Variants in GPR158 observed in about 807,000 individuals in gnomAD.
GPR158 encodes the protein metabotropic glycine receptor.
Under a neutral mutation model 78.2 loss-of-function variants are expected in GPR158, and 30 were observed. That is an observed-to-expected ratio of 0.38 (90% CI 0.29 to 0.52). GPR158 has a LOEUF of 0.52. Ranked by LOEUF, GPR158 falls within the 20% of genes least tolerant of loss-of-function variation. GPR158 has a pLI of 0.83. For missense variants in GPR158, 1,463 were observed against 1,523.5 expected (o/e 0.96, Z 0.66); for synonymous variants, 581 against 591.1 (o/e 0.98, Z 0.25).
Position 25,597,953 on chromosome 10 carries a change from G to T in GPR158, c.2327G>T (p.Gly776Val). 1 of 1,613,974 alleles carries T rather than the reference G, an allele frequency of 6.2e-7. No individual in the cohort carries two copies. Among genetic ancestry groups the T allele is most frequent in the Non-Finnish European group, 8.5e-7 (1 of 1,179,944 alleles). ...SRQCSKEDKE[G>V]ADHGTAKGTA... ...CAGTGCTCTAAAGAGGACAAGGAGG[G>T]CGCCGACCATGGCACAGCCAAAGGC... is the stretch of plus-strand genomic sequence containing the variant. Residue 776 changes from glycine (G) to valine (V), a missense_variant, in exon 11 of 11, where the codon GGC (glycine) becomes GTC (valine). By Grantham distance (109) the Gly-to-Val change is moderately radical (BLOSUM62 -3). Transcript: ENST00000376351.
At chr10:25,516,894 C>T (rs1198332437) in intron 5 of GPR158, among the ~76,000 whole-genome samples, 2 of 139,828 alleles carry the variant, frequency 1.4e-5, no homozygotes, top group African/African-American at 5.8e-5. Context: ...GTAGTTTTTT[C>T]CAATTCTGTG....
intron 5 of GPR158, among the ~76,000 whole-genome samples, chr10:25,492,260 C>A (rs1239400531): frequency 6.6e-6 from 1 of 152,196 alleles, no homozygotes; most frequent in Non-Finnish European, 1.5e-5. Flanking sequence ...CCAAACACCT[C>A]CCACCAGGCC....
intron 3 of GPR158, among the ~76,000 whole-genome samples, chr10:25,403,804 G>A (rs546991474): frequency 6.6e-6 from 1 of 152,102 alleles, no homozygotes; most frequent in Admixed American, 6.6e-5. Context: ...ATGAAGTGGT[G>A]AGTTGAATAT....
chr10:25,267,930 A>C (rs940256678), intron 2 of GPR158, among the ~76,000 whole-genome samples: 1 of 152,154 alleles, frequency 6.6e-6, no homozygotes, highest in Non-Finnish European at 1.5e-5. Flanking sequence ...TACAAAAATT[A>C]GTTTTCTTTC....
Position 25,243,585 on chromosome 10 carries a change from A to G in GPR158, c.1008+22428A>G, listed in dbSNP as rs554051247. 3.9e-5 allele frequency among the ~76,000 whole-genome samples: 6 copies of G among 152,310 alleles called. No homozygotes were observed. In the South Asian group the frequency reaches 1.2e-3, roughly 32 times the overall value. Reference sequence around the variant, plus strand: ...TAGATTAGATATCACCTTCCCTGGAAAGACATGTTTTTATCCCAAAGGAAC... The same window carrying G: ...TAGATTAGATATCACCTTCCCTGGAGAGACATGTTTTTATCCCAAAGGAAC... On this transcript the variant is annotated intron_variant, in intron 2 of 10. Coordinates refer to ENST00000376351, the MANE Select transcript of GPR158 (RefSeq NM_020752.3).
In GPR158 at chr10:25,570,269, T is replaced by G. The variant is rs139307000; in HGVS notation, c.1515-2380T>G. Among the ~76,000 whole-genome samples the G allele has an allele frequency of 1.7e-3, 262 of 152,330 alleles. 12 individuals are homozygous for G. In the South Asian group the frequency reaches 0.048, roughly 28 times the overall value. On this transcript the variant is annotated intron_variant, in intron 6 of 10. Transcript: ENST00000376351. Reference sequence around the variant, plus strand: ...TATCCAATATAACTGGACTTCATATTATATTTGGTCAATTTGTTGAAGTTT... The same window carrying G: ...TATCCAATATAACTGGACTTCATATGATATTTGGTCAATTTGTTGAAGTTT...
intron 4 of GPR158, among the ~76,000 whole-genome samples, chr10:25,453,746 T>C (rs554889894): frequency 1.3e-5 from 2 of 152,312 alleles, no homozygotes; most frequent in African/African-American, 4.8e-5. Context: ...CATAAACATA[T>C]AGATTTATTT....
intron 1 of GPR158, among the ~76,000 whole-genome samples, chr10:25,179,528 G>T (rs905251144): frequency 2.0e-5 from 3 of 151,912 alleles, no homozygotes; most frequent in African/African-American, 7.2e-5. Context: ...GTAATATGTA[G>T]AACTTCTTAT....
chr10:25,550,877 C>A (rs1043416456), intron 5 of GPR158, 99 bp from the exon 6 acceptor site: 6 of 726,642 alleles, frequency 8.3e-6, no homozygotes, highest in South Asian at 1.5e-5. Context: ...GAGTGTATAT[C>A]AAAATTCATA....
intron 1 of GPR158, among the ~76,000 whole-genome samples, chr10:25,181,014 A>G (rs377296763): frequency 6.6e-6 from 1 of 152,162 alleles, no homozygotes; most frequent in Non-Finnish European, 1.5e-5. Context: ...CTCACACAAG[A>G]CACCCACACA....
chr10:25,329,948 T>G (rs1855094883), intron 2 of GPR158, among the ~76,000 whole-genome samples: 1 of 152,076 alleles, frequency 6.6e-6, no homozygotes, highest in Admixed American at 6.5e-5. Flanking sequence ...TTAAAAACAC[T>G]AGAAGTTGTT....
At chr10:25,283,830 A>G (rs1158199421) in intron 2 of GPR158, among the ~76,000 whole-genome samples, 1 of 152,064 alleles carries the variant, frequency 6.6e-6, no homozygotes, top group African/African-American at 2.4e-5. Flanking sequence ...AGTTCAAAAT[A>G]TATTTAAATT....
At chr10:25,444,574 A>AGGAGTGTGTG (rs1247418046) in intron 4 of GPR158, among the ~76,000 whole-genome samples, 9 of 148,004 alleles carry the variant, frequency 6.1e-5, no homozygotes, top group Non-Finnish European at 1.0e-4. Context: ...ATTTGTGTGG[A>AGGAGTGTGTG]GGAGTGTGTG....
intron 5 of GPR158, among the ~76,000 whole-genome samples, chr10:25,534,020 A>C (rs11014595): frequency 0.45 from 68,248 of 151,836 alleles, 15,493 homozygotes; most frequent in East Asian, 0.56. Context: ...ATATAACATG[A>C]ATTCATTAGA....
intron 2 of GPR158, among the ~76,000 whole-genome samples, chr10:25,364,819 G>A (rs1026717709): frequency 6.0e-4 from 91 of 151,640 alleles, no homozygotes; most frequent in African/African-American, 2.2e-3. Flanking sequence ...TTATATTTCC[G>A]GTCAAATGTG....
At chr10:25,423,128 T>C (rs11014537) in intron 4 of GPR158, among the ~76,000 whole-genome samples, 3,551 of 140,656 alleles carry the variant, frequency 0.025, 100 homozygotes, top group African/African-American at 0.066. Context: ...TACATATATA[T>C]GTATATACAT....
chr10:25,461,898 A>AT (rs1173714200), intron 4 of GPR158, among the ~76,000 whole-genome samples: 5 of 151,288 alleles, frequency 3.3e-5, no homozygotes, highest in South Asian at 2.1e-4. Context: ...CGCCCGGCTG[A>AT]TTTTTTTGTA....
intron 2 of GPR158, among the ~76,000 whole-genome samples, chr10:25,265,145 G>A (rs564036956): frequency 1.3e-5 from 2 of 152,088 alleles, no homozygotes; most frequent in South Asian, 2.1e-4. Context: ...CCAATATTTA[G>A]TACTCTTTCC....
intron 9 of GPR158, among the ~76,000 whole-genome samples, chr10:25,594,984 A>G (rs1045394800): frequency 2.0e-5 from 3 of 152,074 alleles, no homozygotes; most frequent in Non-Finnish European, 4.4e-5. Flanking sequence ...TGTGTGATAT[A>G]ATAGTAAGGC....
Sources: allele counts gnomAD v4.1 joint callset (sites outside exome capture counted in the v4.1 genomes callset), GRCh38; gene constraint gnomAD v4.1.1; transcripts MANE v1.5; gene names NCBI Gene and HGNC (gene_info 2026-07-23, HGNC 2026-07-21).